Variants in RPS6KC1 observed in about 807,000 individuals in gnomAD.
The protein encoded by RPS6KC1 is ribosomal protein S6 kinase C1.
A neutral mutation model predicts 103.8 loss-of-function variants in RPS6KC1; 54 were observed. That is an observed-to-expected ratio of 0.52 (90% CI 0.42 to 0.65). The LOEUF (loss-of-function observed/expected upper bound fraction) is 0.65, where lower values mean the gene tolerates loss of function less well. Ranked by LOEUF, RPS6KC1 falls within the 30% of genes least tolerant of loss-of-function variation. The pLI is 0.00. For synonymous variants in RPS6KC1, 439 were observed against 438.7 expected, an observed-to-expected ratio of 1.00 and a Z score of -0.01; for missense variants, 1,151 against 1,253.8, an observed-to-expected ratio of 0.92 and a Z score of 1.24.
the RPS6KC1 span, among the ~76,000 whole-genome samples, chr1:213,454,864 C>T: frequency 6.6e-6 from 1 of 152,174 alleles, no homozygotes; most frequent in African/African-American, 2.4e-5. Flanking sequence ...CACGGCAGAG[C>T]TAGGTCAACT....
the RPS6KC1 span, among the ~76,000 whole-genome samples, chr1:213,532,879 G>T: frequency 6.6e-6 from 1 of 152,248 alleles, no homozygotes; most frequent in Admixed American, 6.5e-5. Flanking sequence ...ACACTGTTGA[G>T]GTGGGGAACA....
the RPS6KC1 span, among the ~76,000 whole-genome samples, chr1:213,434,772 A>G: frequency 7.1e-6 from 1 of 140,850 alleles, no homozygotes; most frequent in African/African-American, 2.5e-5. Context: ...GTTTCTCTAT[A>G]TAACTGACTG....
intron 8 of RPS6KC1, among the ~76,000 whole-genome samples, chr1:213,226,222 C>A (rs79940788): frequency 7.6e-4 from 97 of 127,396 alleles, no homozygotes; most frequent in African/African-American, 9.1e-4. Flanking sequence ...GACTCTGTCT[C>A]AAAAAAAAAA....
the RPS6KC1 span, among the ~76,000 whole-genome samples, chr1:213,542,913 CCACGCAAACCAG>C: frequency 2.6e-5 from 4 of 152,102 alleles, no homozygotes; most frequent in Non-Finnish European, 4.4e-5. Context: ...GAGGAGAGGG[CCACGCAAACCAG>C]CCCTTATGCT....
intron 8 of RPS6KC1, among the ~76,000 whole-genome samples, chr1:213,229,032 A>G (rs2094025791): frequency 6.6e-6 from 1 of 152,184 alleles, no homozygotes; most frequent in African/African-American, 2.4e-5. Context: ...GTTTAGTTTC[A>G]GAGCATGCAT....
At chr1:213,077,665 T>G (rs1265932615) in intron 2 of RPS6KC1, 31 bp from the exon 3 acceptor site, 14 of 1,320,320 alleles carry the variant, frequency 1.1e-5, no homozygotes, top group African/African-American at 1.5e-5. Flanking sequence ...TAAATGGTTA[T>G]GAGATACATG....
At chr1:213,232,031 T>C in intron 9 of RPS6KC1, 92 bp from the exon 10 acceptor site, 3 of 1,486,098 alleles carry the variant, frequency 2.0e-6, no homozygotes, top group Non-Finnish European at 2.8e-6. Context: ...CTCGGATAGA[T>C]TAGTTTGGTT....
intron 4 of RPS6KC1, among the ~76,000 whole-genome samples, chr1:213,114,046 C>T (rs1165872736): frequency 6.6e-6 from 1 of 151,818 alleles, no homozygotes; most frequent in Non-Finnish European, 1.5e-5. Flanking sequence ...GATGTGGGCT[C>T]TTTTTTGGTT....
the RPS6KC1 span, among the ~76,000 whole-genome samples, chr1:213,552,089 T>TATCCATTCACCTACTGAAGGAC: frequency 6.6e-6 from 1 of 152,240 alleles, no homozygotes; most frequent in Non-Finnish European, 1.5e-5. Flanking sequence ...ACAGGTTATT[T>TATCCATTCACCTACTGAAGGAC]ATCCATTCAC....
chr1:213,771,262 T>C, the RPS6KC1 span, among the ~76,000 whole-genome samples: 1 of 151,998 alleles, frequency 6.6e-6, no homozygotes, highest in Non-Finnish European at 1.5e-5. Context: ...CTGTCTTGGG[T>C]CAGTCTCTTG....
At chr1:213,362,461 A>G in the RPS6KC1 span, among the ~76,000 whole-genome samples, 1 of 152,316 alleles carries the variant, frequency 6.6e-6, no homozygotes, top group East Asian at 1.9e-4. Flanking sequence ...CCTTTTACAG[A>G]TGAAGAAACT....
At chr1:213,664,900 G>A in the RPS6KC1 span, among the ~76,000 whole-genome samples, 1 of 152,158 alleles carries the variant, frequency 6.6e-6, no homozygotes, top group Non-Finnish European at 1.5e-5. Context: ...ATATATGAAA[G>A]AGCATATATA....
the RPS6KC1 span, among the ~76,000 whole-genome samples, chr1:213,844,858 A>G: frequency 6.6e-6 from 1 of 152,186 alleles, no homozygotes; most frequent in African/African-American, 2.4e-5. Context: ...TTGCAAAAGT[A>G]AAAAGTATGA....
the RPS6KC1 span, among the ~76,000 whole-genome samples, chr1:213,732,972 A>G: frequency 5.9e-5 from 9 of 152,226 alleles, no homozygotes; most frequent in East Asian, 1.5e-3. Flanking sequence ...AAATGACAGG[A>G]TTCCCTTCTT....
At chr1:213,346,629 T>G in the RPS6KC1 span, among the ~76,000 whole-genome samples, 1 of 152,204 alleles carries the variant, frequency 6.6e-6, no homozygotes, top group African/African-American at 2.4e-5. Flanking sequence ...TGTTAGTTTT[T>G]TTTTAACCAT....
chr1:213,226,046 A>G (rs2093953404), intron 8 of RPS6KC1, among the ~76,000 whole-genome samples: 1 of 151,494 alleles, frequency 6.6e-6, no homozygotes, highest in African/African-American at 2.4e-5. Flanking sequence ...ACACGGTGAA[A>G]CCCTGTCTCT....
chr1:213,055,501 G>A (rs1400222384), intron 1 of RPS6KC1, among the ~76,000 whole-genome samples: 2 of 151,980 alleles, frequency 1.3e-5, no homozygotes, highest in Admixed American at 6.6e-5. Flanking sequence ...CCAGTTTTTG[G>A]ACATTATGAA....
chr1:213,418,864 A>G, the RPS6KC1 span, among the ~76,000 whole-genome samples: 1 of 152,108 alleles, frequency 6.6e-6, no homozygotes, highest in Non-Finnish European at 1.5e-5. Context: ...GGCCAGGCAG[A>G]GTGTACTCAG....
the RPS6KC1 span, among the ~76,000 whole-genome samples, chr1:213,328,554 T>G: frequency 8.6e-6 from 1 of 116,588 alleles, no homozygotes; most frequent in Non-Finnish European, 1.9e-5. Context: ...CACACACACG[T>G]GCACAAAGTC....
Sources: allele counts gnomAD v4.1 joint callset (sites outside exome capture counted in the v4.1 genomes callset), GRCh38; gene constraint gnomAD v4.1.1; transcripts MANE v1.5; gene names NCBI Gene and HGNC (gene_info 2026-07-23, HGNC 2026-07-21).